Variants in FHOD3 observed in about 807,000 individuals in gnomAD.
FHOD3 encodes the protein formin homology 2 domain containing 3, also known as FH1/FH2 domain-containing protein 3.
Under a neutral mutation model 173.0 loss-of-function variants are expected in FHOD3, and 90 were observed. The observed-to-expected ratio is 0.52, with a 90% CI of 0.44 to 0.62. The LOEUF is 0.62. Among genes scored for constraint, FHOD3 ranks in the 20% least tolerant of loss-of-function variants. FHOD3 has a pLI of 0.00. For missense variants in FHOD3, 1,945 were observed against 2,034.7 expected (o/e 0.96, Z 0.85); for synonymous variants, 828 against 823.0 (o/e 1.01, Z -0.10).
intron 5 of FHOD3, among the ~76,000 whole-genome samples, chr18:36,547,295 C>T (rs562288317): frequency 1.5e-4 from 23 of 152,306 alleles, no homozygotes; most frequent in African/African-American, 4.8e-4. Flanking sequence ...TCTCCAAGGC[C>T]ATGGTTGCAC....
intron 7 of FHOD3, among the ~76,000 whole-genome samples, chr18:36,599,101 A>G (rs1475640685): frequency 2.6e-5 from 4 of 151,796 alleles, no homozygotes; most frequent in Admixed American, 2.6e-4. Context: ...CATATTGGAG[A>G]CTCCCTTTCC....
intron 1 of FHOD3, among the ~76,000 whole-genome samples, chr18:36,353,479 C>A (rs1048172206): frequency 2.0e-5 from 3 of 152,070 alleles, no homozygotes; most frequent in East Asian, 1.9e-4. Flanking sequence ...AAAACTAATC[C>A]CTTATTTGAA....
intron 18 of FHOD3, among the ~76,000 whole-genome samples, chr18:36,711,929 C>T (rs772865164): frequency 6.6e-6 from 1 of 152,172 alleles, no homozygotes; most frequent in Non-Finnish European, 1.5e-5. Flanking sequence ...GAACCTCCCG[C>T]GTCCCTTGGA....
intron 3 of FHOD3, among the ~76,000 whole-genome samples, chr18:36,414,352 C>T (rs965141178): frequency 3.9e-5 from 6 of 152,230 alleles, no homozygotes; most frequent in African/African-American, 9.6e-5. Context: ...CCAAATCCTA[C>T]TGACCTCAGA....
intron 1 of FHOD3, among the ~76,000 whole-genome samples, chr18:36,300,915 A>G (rs2091943642): frequency 1.3e-5 from 2 of 151,652 alleles, no homozygotes; most frequent in South Asian, 4.2e-4. Context: ...TAATTTTTTT[A>G]TTTTTTGTAG....
At chr18:36,767,809 A>C (rs1429100987) in intron 27 of FHOD3, among the ~76,000 whole-genome samples, 1 of 152,130 alleles carries the variant, frequency 6.6e-6, no homozygotes, top group African/African-American at 2.4e-5. Context: ...ATTTGCAGCA[A>C]TATGTCAACT....
Position 36,515,362 on chromosome 18 carries a change from C to T in FHOD3, c.511+2819C>T, listed in dbSNP as rs373461523. Among the ~76,000 whole-genome samples the T allele has an allele frequency of 2.4e-3, 371 of 152,206 alleles. 5 individuals carry two copies. The highest frequency in any genetic ancestry group is 7.9e-3 in the African/African-American group (328 of 41,530). On this transcript the variant is annotated intron_variant, in intron 5 of 28. Transcript: ENST00000590592. ...CCTCCCAAGTAGCTGGGACTACAGG[C>T]GCCTGCCACCACACCTGCCTAATTT... is the stretch of plus-strand genomic sequence containing the variant.
intron 3 of FHOD3, among the ~76,000 whole-genome samples, chr18:36,494,606 T>C (rs80043828): frequency 0.045 from 6,802 of 152,250 alleles, 499 homozygotes; most frequent in African/African-American, 0.15. Context: ...GTAAGGGATG[T>C]ATAATCAGCC....
At chr18:36,594,970 T>C in intron 7 of FHOD3, 72 bp downstream of exon 7, 1 of 922,864 alleles carries the variant, frequency 1.1e-6, no homozygotes, top group East Asian at 2.6e-5. Flanking sequence ...GTGTTGTACA[T>C]GCTTGAGACA....
intron 1 of FHOD3, among the ~76,000 whole-genome samples, chr18:36,299,973 G>A (rs2091916103): frequency 6.6e-6 from 1 of 152,176 alleles, no homozygotes; most frequent in African/African-American, 2.4e-5. Flanking sequence ...CATTCATATT[G>A]TTAAGATGAT....
chr18:36,528,502 C>T (rs1282447188), intron 5 of FHOD3, among the ~76,000 whole-genome samples: 1 of 152,150 alleles, frequency 6.6e-6, no homozygotes, highest in African/African-American at 2.4e-5. Context: ...GCTGAGAGAT[C>T]CGAAGGGCAA....
chr18:36,652,157 G>T (rs1367104127), intron 11 of FHOD3, among the ~76,000 whole-genome samples: 1 of 152,252 alleles, frequency 6.6e-6, no homozygotes, highest in Non-Finnish European at 1.5e-5. Flanking sequence ...CAGGAGGACA[G>T]ATCTGCTATT....
intron 6 of FHOD3, among the ~76,000 whole-genome samples, chr18:36,579,231 A>G (rs535994958): frequency 3.8e-4 from 58 of 152,268 alleles, no homozygotes; most frequent in Middle Eastern, 3.4e-3. Flanking sequence ...ATGGGAAGAG[A>G]TTTTGCAAGA....
At chr18:36,690,271 A>G (rs906920304) in intron 16 of FHOD3, among the ~76,000 whole-genome samples, 1 of 152,222 alleles carries the variant, frequency 6.6e-6, no homozygotes, top group African/African-American at 2.4e-5. Context: ...CAAACAAATG[A>G]TATAGGCAGA....
intron 3 of FHOD3, among the ~76,000 whole-genome samples, chr18:36,452,486 T>A (rs188434263): frequency 6.6e-6 from 1 of 152,350 alleles, no homozygotes; most frequent in African/African-American, 2.4e-5. Context: ...TTTTAACAAT[T>A]GTTTCTGTGT....
chr18:36,508,820 G>A (rs2055456420), intron 4 of FHOD3, among the ~76,000 whole-genome samples: 2 of 152,160 alleles, frequency 1.3e-5, no homozygotes, highest in African/African-American at 4.8e-5. Flanking sequence ...TAAGCAAGAG[G>A]GAGTAACAGA....
intron 1 of FHOD3, among the ~76,000 whole-genome samples, chr18:36,303,502 C>T (rs2092009821): frequency 6.6e-6 from 1 of 152,126 alleles, no homozygotes; most frequent in Non-Finnish European, 1.5e-5. Context: ...CTGAGTCCCT[C>T]TGGAAAACAA....
intron 14 of FHOD3, among the ~76,000 whole-genome samples, chr18:36,660,263 T>A (rs1396873880): frequency 2.0e-5 from 3 of 152,004 alleles, no homozygotes; most frequent in Non-Finnish European, 2.9e-5. Context: ...TGAGACTCTG[T>A]CTCAAAAACA....
intron 27 of FHOD3, among the ~76,000 whole-genome samples, chr18:36,761,254 C>T (rs2042865241): frequency 6.6e-6 from 1 of 152,158 alleles, no homozygotes; most frequent in Non-Finnish European, 1.5e-5. Flanking sequence ...ACAGCACTAC[C>T]CCTTTGTCCC....
Sources: gnomAD v4.1 joint callset for allele counts (sites outside exome capture counted in the v4.1 genomes callset) on GRCh38, gnomAD v4.1.1 for gene constraint, MANE v1.5 for transcripts, NCBI Gene and HGNC (gene_info 2026-07-23, HGNC 2026-07-21) for gene names.